The following KLHL8 variants were observed in gnomAD, a reference collection of about 807,000 sequenced individuals.
The protein encoded by KLHL8 is kelch like family member 8.
KLHL8 carries 38 observed loss-of-function variants against 63.5 expected under a neutral mutation model. The observed-to-expected ratio is 0.60, with a 90% CI of 0.46 to 0.78. The LOEUF (loss-of-function observed/expected upper bound fraction) is 0.78, where lower values mean the gene tolerates loss of function less well. KLHL8 is among the 30% of genes least tolerant of loss of function. KLHL8 has a pLI of 0.00. For missense variants in KLHL8, 566 were observed against 752.4 expected, an observed-to-expected ratio of 0.75 and a Z score of 2.90; for synonymous variants, 224 against 254.3, an observed-to-expected ratio of 0.88 and a Z score of 1.13.
In KLHL8 at chr4:87,176,833, C is replaced by T; in HGVS notation, c.1132G>A (p.Glu378Lys). ...AACATCTCCATACTCCCTAAATGTT[C>T]ATTTCCATCATGTCCACCTACTGCA... ...VYAVGGHDGN[E>K]HLGSMEMFDP... Residue 378 changes from glutamate to lysine, a missense_variant, in exon 6 of 10, where the codon GAA becomes AAA. Coordinates refer to ENST00000273963, the MANE Select transcript of KLHL8 (RefSeq NM_020803.5). 6.2e-7 allele frequency: 1 copy of T among 1,606,868 alleles called. No homozygotes were observed. Among genetic ancestry groups the T allele is most frequent in the Non-Finnish European group, 8.5e-7 (1 of 1,176,748 alleles).
At chr4:87,197,079 G>GT (rs1258008119) in intron 1 of KLHL8, among the ~76,000 whole-genome samples, 1 of 152,178 alleles carries the variant, frequency 6.6e-6, no homozygotes, top group Non-Finnish European at 1.5e-5. Context: ...AATGGTTAAT[G>GT]TAAGGTTATA....
upstream of KLHL8, among the ~76,000 whole-genome samples, chr4:87,223,386 C>T (rs1266350195): frequency 2.0e-5 from 3 of 152,100 alleles, no homozygotes; most frequent in Non-Finnish European, 4.4e-5. Context: ...TTTGTAGTTA[C>T]TAACAAATCA....
rs947892758 is a variant in KLHL8, at chr4:87,168,754, A to ATG, written c.1537+1323_1537+1324dup. On this transcript the variant is annotated intron_variant, in intron 8 of 9. Transcript: ENST00000273963. ...TATGTGTGTATATATACGTGTATATATGTGTGTGTATATATATGTGTATAT... is the reference window on the plus strand; with the variant it reads ...TATGTGTGTATATATACGTGTATATATGTGTGTGTGTATATATATGTGTATAT... Among the ~76,000 whole-genome samples the ATG allele has an allele frequency of 6.9e-5, 10 of 145,830 alleles. No homozygotes were observed. The South Asian group carries it at 8.7e-4, about 13-fold the overall frequency.
At chr4:87,171,176 T>TC (rs1560691949) in intron 6 of KLHL8, among the ~76,000 whole-genome samples, 2 of 151,830 alleles carry the variant, frequency 1.3e-5, no homozygotes, top group African/African-American at 4.8e-5. Context: ...TTAACAGTGA[T>TC]CAAAAAAAAA....
At chr4:87,224,729 A>T (rs1391122195), upstream of KLHL8, among the ~76,000 whole-genome samples, 1 of 152,046 alleles carries the variant, frequency 6.6e-6, no homozygotes. Context: ...TTATCCTAAG[A>T]CACACATGTG....
At chr4:87,200,138 CAAAAAAAAAAA>C (rs61605160) in intron 1 of KLHL8, among the ~76,000 whole-genome samples, 2 of 73,706 alleles carry the variant, frequency 2.7e-5, no homozygotes, top group Non-Finnish European at 4.9e-5. Flanking sequence ...GAGACTGCCT[CAAAAAAAAAAA>C]AAAAAAAAAA....
At chr4:87,214,516 C>A (rs1732526405) in intron 1 of KLHL8, among the ~76,000 whole-genome samples, 1 of 145,140 alleles carries the variant, frequency 6.9e-6, no homozygotes, top group Admixed American at 7.1e-5. Context: ...TGGGATAACT[C>A]AAAGAGGTAA....
Position 87,167,521 on chromosome 4 carries a change from G to A in KLHL8, c.1537+2558C>T, listed in dbSNP as rs1288292633. On this transcript the variant is annotated intron_variant, in intron 8 of 9. Coordinates refer to ENST00000273963, the MANE Select transcript of KLHL8 (RefSeq NM_020803.5). ...CAATTTACCAATGCGGTTGTGTCCT[G>A]GCTAAATCAGAACTCGAATGGCCTT... is the stretch of plus-strand genomic sequence containing the variant. 5 of 542,472 alleles carry A rather than the reference G, an allele frequency of 9.2e-6. No individual in the cohort carries two copies. The East Asian group carries it at 2.0e-4, about 21-fold the overall frequency. The allele number at this position is 542,472 out of a possible 1,614,324, so 33.6% of individuals were successfully genotyped here. A position where few individuals can be genotyped will look rare whatever the true frequency, so the allele number is the denominator to read the frequency against.
chr4:87,232,341 C>G (rs1295953095), intron 1 of KLHL8, among the ~76,000 whole-genome samples: 1 of 152,178 alleles, frequency 6.6e-6, no homozygotes, highest in Non-Finnish European at 1.5e-5. Context: ...TGAGATTCAT[C>G]CCTGTTGATA....
At chr4:87,165,950 A>G (rs1418181892) in intron 8 of KLHL8, among the ~76,000 whole-genome samples, 1 of 147,032 alleles carries the variant, frequency 6.8e-6, no homozygotes, top group Non-Finnish European at 1.5e-5. Context: ...TATTTTTACC[A>G]TGTCTATTCT....
chr4:87,172,633 C>G (rs75884225), intron 6 of KLHL8, among the ~76,000 whole-genome samples: 1 of 152,196 alleles, frequency 6.6e-6, no homozygotes, highest in Non-Finnish European at 1.5e-5. Context: ...TTTGCCTCTA[C>G]CTAACTGTTC....
chr4:87,210,114 T>G (rs1019915090), intron 1 of KLHL8, among the ~76,000 whole-genome samples: 1 of 152,066 alleles, frequency 6.6e-6, no homozygotes, highest in East Asian at 1.9e-4. Flanking sequence ...GGCTTCGGAC[T>G]ACCAAAGTGC....
intron 1 of KLHL8, among the ~76,000 whole-genome samples, chr4:87,204,220 C>T (rs1732030861): frequency 6.6e-6 from 1 of 152,136 alleles, no homozygotes; most frequent in Non-Finnish European, 1.5e-5. Flanking sequence ...TAGCCCCTGC[C>T]ACATCCCCAT....
intron 1 of KLHL8, among the ~76,000 whole-genome samples, chr4:87,199,299 G>C (rs1409512693): frequency 6.6e-6 from 1 of 152,036 alleles, no homozygotes; most frequent in East Asian, 1.9e-4. Flanking sequence ...AAAGAAGTTG[G>C]ACCCTCACCT....
Position 87,195,652 on chromosome 4 carries a change from T to A in KLHL8, c.-113A>T, listed in dbSNP as rs1731667610. ...GTAGACACTACAATTCAGACGTTTT[T>A]CAAAACCCACTCAACTGCCATTGTA... is the stretch of plus-strand genomic sequence containing the variant. On this transcript the variant is annotated 5_prime_UTR_variant, in exon 2 of 10. An upstream open reading frame in the 5' UTR gains an earlier in-frame stop. Coordinates refer to ENST00000273963, the MANE Select transcript of KLHL8 (RefSeq NM_020803.5). The A allele has an allele frequency of 4.9e-6, 4 of 819,224 alleles. No homozygotes were observed. In the South Asian group the frequency reaches 6.9e-5, roughly 14 times the overall value. The allele number at this position is 819,224 out of a possible 1,614,324, so 50.7% of individuals were successfully genotyped here.
At chr4:87,217,381 T>G (rs1732636072) in intron 1 of KLHL8, among the ~76,000 whole-genome samples, 1 of 152,140 alleles carries the variant, frequency 6.6e-6, no homozygotes, top group Non-Finnish European at 1.5e-5. Context: ...TCACCCAGGC[T>G]GGAGTGCAGT....
rs571825838 is a variant in KLHL8 at position 87,196,240 on chromosome 4, G to A, written c.-151-550C>T. ...TTTTTCATCCAAGCCTAAGTAGACC[G>A]TATTTTACTATCAAGTGCAGATAAA... On this transcript the variant is annotated intron_variant, in intron 1 of 9. Coordinates refer to ENST00000273963, the MANE Select transcript of KLHL8 (RefSeq NM_020803.5). 7.9e-5 allele frequency among the ~76,000 whole-genome samples: 12 copies of A among 151,512 alleles called. No homozygotes were observed. The East Asian group carries it at 1.8e-3, about 22-fold the overall frequency.
chr4:87,193,130 A>C (rs1385352666), intron 2 of KLHL8, among the ~76,000 whole-genome samples: 1 of 152,174 alleles, frequency 6.6e-6, no homozygotes, highest in Non-Finnish European at 1.5e-5. Flanking sequence ...CTTTTTCCAT[A>C]AACTTCAATT....
intron 1 of KLHL8, among the ~76,000 whole-genome samples, chr4:87,212,866 T>C (rs1057339488): frequency 7.2e-5 from 11 of 152,236 alleles, no homozygotes; most frequent in African/African-American, 2.4e-4. Context: ...AGGTGTGTAG[T>C]AGGCTATACC....
Sources: allele counts gnomAD v4.1 joint callset (sites outside exome capture counted in the v4.1 genomes callset), GRCh38; gene constraint gnomAD v4.1.1; transcripts MANE v1.5; gene names NCBI Gene and HGNC (gene_info 2026-07-23, HGNC 2026-07-21).